CRIM1: variants seen among roughly 807,000 people sequenced by gnomAD.
CRIM1 encodes the protein cysteine-rich motor neuron 1 protein.
A neutral mutation model predicts 116.4 loss-of-function variants in CRIM1; 32 were observed. That is an observed-to-expected ratio of 0.27 (90% CI 0.21 to 0.37). The LOEUF (loss-of-function observed/expected upper bound fraction) is 0.37. Among genes scored for constraint, CRIM1 ranks in the 10% least tolerant of loss-of-function variants. The probability of loss-of-function intolerance (pLI) is 1.00; values close to 1 mark genes in which losing one functional copy is unlikely to be tolerated. For missense variants in CRIM1, 1,331 were observed against 1,354.8 expected (o/e 0.98, Z 0.28); for synonymous variants, 590 against 509.2 (o/e 1.16, Z -2.13).
chr2:36,525,214 A>G (rs1419372062), intron 13 of CRIM1, among the ~76,000 whole-genome samples: 1 of 152,186 alleles, frequency 6.6e-6, no homozygotes, highest in East Asian at 1.9e-4. Context: ...TGTCTGCATC[A>G]TATTTACTTT....
At chr2:36,395,161 T>A (rs563579407) in intron 1 of CRIM1, among the ~76,000 whole-genome samples, 1 of 152,218 alleles carries the variant, frequency 6.6e-6, no homozygotes, top group South Asian at 2.1e-4. Flanking sequence ...ACCACAGGCA[T>A]GCGCCACCAT....
At position 36,547,084 on chromosome 2, in the gene CRIM1, A is replaced by G. The variant is rs1438001541; in HGVS notation, c.2847A>G (p.Ile949Met). The G allele has an allele frequency of 3.7e-6, 6 of 1,611,956 alleles. No individual in the cohort carries two copies. Among genetic ancestry groups the G allele is most frequent in the Non-Finnish European group, 4.2e-6 (5 of 1,178,324 alleles). ...CCTCAGTTGTGGTTCCCATAATTATATGCCTCTCTATTATAATAGCATTCC... is the reference window on the plus strand; with the variant it reads ...CCTCAGTTGTGGTTCCCATAATTATGTGCCTCTCTATTATAATAGCATTCC... ...SIASVVVPII[I>M]CLSIIIAFLF... is the part of the protein sequence containing the mutation. Residue 949 changes from isoleucine to methionine, a missense_variant, in exon 16 of 17, where the codon ATA becomes ATG. Physicochemically the swap from Ile to Met is conservative, Grantham distance 10. Coordinates refer to ENST00000280527, the MANE Select transcript of CRIM1 (RefSeq NM_016441.3).
intron 2 of CRIM1, among the ~76,000 whole-genome samples, chr2:36,411,721 G>A (rs1235518861): frequency 1.3e-5 from 2 of 151,622 alleles, no homozygotes; most frequent in East Asian, 1.9e-4. Context: ...TGACAGTGCC[G>A]ATAATAGTGT....
chr2:36,396,367 T>A (rs773207193), intron 1 of CRIM1, among the ~76,000 whole-genome samples: 14 of 152,230 alleles, frequency 9.2e-5, no homozygotes, highest in Non-Finnish European at 1.6e-4. Flanking sequence ...AAGTAGTGGT[T>A]TTTTATTTCC....
At chr2:36,439,549 T>G (rs1402775084) in intron 2 of CRIM1, among the ~76,000 whole-genome samples, 3 of 152,228 alleles carry the variant, frequency 2.0e-5, no homozygotes, top group African/African-American at 7.2e-5. Flanking sequence ...GTCCTCTCAC[T>G]GTGCCTCAGC....
At chr2:36,435,453 T>TA (rs1341405365) in intron 2 of CRIM1, among the ~76,000 whole-genome samples, 1 of 152,092 alleles carries the variant, frequency 6.6e-6, no homozygotes, top group African/African-American at 2.4e-5. Flanking sequence ...TAAATAGAAA[T>TA]AATGGTAATC....
At chr2:36,442,252 T>C (rs913302658) in intron 3 of CRIM1, among the ~76,000 whole-genome samples, 2 of 152,158 alleles carry the variant, frequency 1.3e-5, no homozygotes, top group Non-Finnish European at 2.9e-5. Context: ...TCTTTCTTTT[T>C]TTTTTTTAAC....
chr2:36,403,063 T>A (rs1393816962), intron 2 of CRIM1, among the ~76,000 whole-genome samples: 1 of 152,196 alleles, frequency 6.6e-6, no homozygotes, highest in Non-Finnish European at 1.5e-5. Context: ...GGAGTTTGTA[T>A]AGAAAAATAA....
intron 2 of CRIM1, among the ~76,000 whole-genome samples, chr2:36,400,276 A>T (rs1672317266): frequency 6.6e-6 from 1 of 152,190 alleles, no homozygotes; most frequent in Non-Finnish European, 1.5e-5. Flanking sequence ...ACTTGAAGAG[A>T]AAGTTATTAT....
intron 1 of CRIM1, among the ~76,000 whole-genome samples, chr2:36,385,225 C>A (rs1671089615): frequency 6.6e-6 from 1 of 152,036 alleles, no homozygotes; most frequent in Non-Finnish European, 1.5e-5. Flanking sequence ...ATTTATCTTC[C>A]ACTTGGTTTA....
chr2:36,400,359 G>GC (rs1390351287), intron 2 of CRIM1, among the ~76,000 whole-genome samples: 2 of 41,746 alleles, frequency 4.8e-5, no homozygotes, highest in Non-Finnish European at 8.3e-5. Context: ...CAACATCACT[G>GC]GGGGTGGGAG....
Position 36,548,641 on chromosome 2 carries a change from C to A in CRIM1, c.3051C>A (p.Gly1017=), listed in dbSNP as rs553747077. The change falls in exon 17 of 17, where the codon GGC becomes GGA. Residue 1017 remains glycine (G), a synonymous_variant. Transcript: ENST00000280527. ...CAGAACCAGATGCAAGATTCAGTGG[C>A]TTCTACAGCATGCAAAAACAGAACC... ...RIAEPDARFS[G]FYSMQKQNHL... is the part of the protein sequence containing the mutation. 7 of 1,612,202 alleles carry A rather than the reference C, an allele frequency of 4.3e-6. No individual in the cohort carries two copies. In the African/African-American group the frequency reaches 9.3e-5, roughly 22 times the overall value.
intron 2 of CRIM1, among the ~76,000 whole-genome samples, chr2:36,429,449 G>C (rs999794303): frequency 6.6e-6 from 1 of 152,166 alleles, no homozygotes; most frequent in Admixed American, 6.5e-5. Context: ...TAGATGCTGG[G>C]CTCTGTGTGG....
intron 4 of CRIM1, among the ~76,000 whole-genome samples, chr2:36,461,307 C>T (rs553783536): frequency 4.5e-4 from 68 of 152,210 alleles, no homozygotes; most frequent in African/African-American, 1.6e-3. Context: ...TTGCTCTGCC[C>T]CTTTTGTGTT....
At chr2:36,398,022 G>C (rs976339440) in intron 2 of CRIM1, among the ~76,000 whole-genome samples, 2 of 151,988 alleles carry the variant, frequency 1.3e-5, no homozygotes, top group African/African-American at 4.8e-5. Context: ...CTGTTGTTCG[G>C]TTGCCCTTTG....
intron 2 of CRIM1, among the ~76,000 whole-genome samples, chr2:36,430,054 C>T (rs991030461): frequency 6.6e-6 from 1 of 152,200 alleles, no homozygotes; most frequent in Non-Finnish European, 1.5e-5. Context: ...TGTATCTAGC[C>T]TTAGGCTTCC....
intron 11 of CRIM1, among the ~76,000 whole-genome samples, chr2:36,516,159 T>C (rs537063324): frequency 1.2e-4 from 18 of 152,334 alleles, no homozygotes; most frequent in African/African-American, 4.1e-4. Context: ...CCACATCACT[T>C]AATTTCATTA....
chr2:36,425,371 T>A (rs1402268475), intron 2 of CRIM1, among the ~76,000 whole-genome samples: 1 of 152,246 alleles, frequency 6.6e-6, no homozygotes, highest in African/African-American at 2.4e-5. Flanking sequence ...AGAATTTTCA[T>A]GTTAAAACTA....
rs142265288 is a variant in CRIM1 at position 36,356,520 on chromosome 2, C to T, written c.228C>T (p.Gly76=). The T allele has an allele frequency of 1.1e-4, 183 of 1,612,822 alleles. No individual in the cohort carries two copies. The highest frequency in any genetic ancestry group is 1.5e-4 in the Non-Finnish European group (176 of 1,179,892). Residue 76 remains glycine (G), a synonymous_variant, in exon 1 of 17, where the codon GGC becomes GGT. Coordinates refer to ENST00000280527, the MANE Select transcript of CRIM1 (RefSeq NM_016441.3). The surrounding 1 kb of genome is among the most constrained non-coding windows in gnomAD (Gnocchi z 4.3). ...CASQRNESCG[G]TFGIYGTCDR... ...GCCAGAGGAACGAGAGCTGCGGCGG[C>T]ACCTTCGGGATTTACGGAACCTGCG...
Sources: gnomAD v4.1 joint callset for allele counts (sites outside exome capture counted in the v4.1 genomes callset) on GRCh38, gnomAD v4.1.1 for gene constraint, Gnocchi (gnomAD v3.1) non-coding constraint, MANE v1.5 for transcripts, NCBI Gene and HGNC (gene_info 2026-07-23, HGNC 2026-07-21) for gene names.